Variants in BCOR observed in about 807,000 individuals in gnomAD.
BCOR encodes the protein BCL-6 corepressor.
A neutral mutation model predicts 86.7 loss-of-function variants in BCOR; 10 were observed. That is an observed-to-expected ratio of 0.12 (90% confidence interval 0.07 to 0.20). BCOR has a LOEUF of 0.20. Ranked by LOEUF, BCOR falls within the 10% of genes least tolerant of loss-of-function variation. The probability of loss-of-function intolerance (pLI) is 1.00; values close to 1 mark genes in which losing one functional copy is unlikely to be tolerated. For synonymous variants in BCOR, 611 were observed against 609.0 expected (o/e 1.00, Z -0.05); for missense variants, 1,259 against 1,452.1 (o/e 0.87, Z 2.16).
At chrX:40,151,564 G>A (rs1006395125) in intron 1 of BCOR, among the ~76,000 whole-genome samples, 2 of 112,882 alleles carry the variant, frequency 1.8e-5, no homozygotes, top group Non-Finnish European at 1.9e-5. Context: ...CCCTGGAACT[G>A]CTGGGGTGAA....
chrX:40,088,018 C>G (rs1408087831), intron 1 of BCOR, among the ~76,000 whole-genome samples: 1 of 112,447 alleles, frequency 8.9e-6, no homozygotes, highest in African/African-American at 3.2e-5. Context: ...TTGTACAGAA[C>G]TGTTAAATGC....
chrX:40,162,199 C>T (rs1938437183), intron 1 of BCOR, among the ~76,000 whole-genome samples: 1 of 112,408 alleles, frequency 8.9e-6, no homozygotes, highest in Admixed American at 9.4e-5. Context: ...CTCTTTTCTT[C>T]TGGATCAGAG....
In BCOR at chrX:40,055,429, C is replaced by G; in HGVS notation, c.4680G>C (p.Thr1560=). 1.7e-6 allele frequency: 2 copies of G among 1,210,430 alleles called. No individual in the cohort carries two copies. The highest frequency in any genetic ancestry group is 2.2e-6 in the Non-Finnish European group (2 of 894,151). ...TTTTCATGATGGTTCTACCTGAGTA[C>G]GTAGCCAAGGTGGGGTCAGCACCAT... is the stretch of plus-strand genomic sequence containing the variant. ...LSYGADPTLA[T]YSGRTIMKMT... is the part of the protein sequence containing the mutation. The change falls in exon 12 of 15, where the codon ACG becomes ACC. Residue 1560 remains threonine (T), a synonymous_variant. Transcript: ENST00000378444.
Position 40,149,207 on chromosome X carries a change from C to G in BCOR, c.-41+27800G>C, listed in dbSNP as rs767519603. 1.4e-4 allele frequency among the ~76,000 whole-genome samples: 15 copies of G among 110,739 alleles called. 1 individual carries two copies. In the South Asian group the frequency reaches 4.6e-3, roughly 34 times the overall value. ...TCAGCCTGTCATCCCCACCCCCAGC[C>G]TCGGCTGCAGGATGCCTTGCGTCCA... On this transcript the variant is annotated intron_variant, in intron 1 of 14. Coordinates refer to the BCOR transcript ENST00000342274.
At chrX:40,062,692 C>A (rs1202724433) in intron 9 of BCOR, 54 bp downstream of exon 9, 8 of 1,094,932 alleles carry the variant, frequency 7.3e-6, no homozygotes, top group Non-Finnish European at 1.0e-5. Flanking sequence ...GGGAAGCAGG[C>A]AGGCGGGGAT....
chrX:40,096,334 A>C lies in BCOR; in HGVS notation c.-41+881T>G, dbSNP rs1234889918. On this transcript the variant is annotated intron_variant, in intron 1 of 14. Coordinates refer to ENST00000378444, the MANE Select transcript of BCOR (RefSeq NM_001123385.2). Reference sequence around the variant, plus strand: ...CTGCCCCCGCACAAGCACATTCTACACCCACCCCTGGGGGCTCATAACTTA... The same window carrying C: ...CTGCCCCCGCACAAGCACATTCTACCCCCACCCCTGGGGGCTCATAACTTA... 2.7e-5 allele frequency among the ~76,000 whole-genome samples: 3 copies of C among 109,124 alleles called. No homozygotes were observed. The Admixed American group carries it at 2.9e-4, about 10-fold the overall frequency. 94.8% of individuals were successfully genotyped at this position (109,124 alleles called of 115,157 possible).
intron 1 of BCOR, among the ~76,000 whole-genome samples, chrX:40,157,475 C>T (rs983983468): frequency 8.9e-6 from 1 of 112,385 alleles, no homozygotes; most frequent in Non-Finnish European, 1.9e-5. Flanking sequence ...ATAAGAATAA[C>T]AAGCCGGTGC....
chrX:40,150,240 C>G (rs1440632091), intron 1 of BCOR, among the ~76,000 whole-genome samples: 1 of 112,075 alleles, frequency 8.9e-6, no homozygotes, highest in African/African-American at 3.2e-5. Flanking sequence ...CAGTTTTTTT[C>G]CACTACGGAA....
chrX:40,100,419 A>G (rs754199687), upstream of BCOR, among the ~76,000 whole-genome samples: 2 of 110,491 alleles, frequency 1.8e-5, no homozygotes, highest in South Asian at 7.8e-4. Context: ...CGTCTCCCCA[A>G]CTCTGCCCCC....
At position 40,054,314 on chromosome X, in the gene BCOR, C is replaced by G; in HGVS notation, c.4761G>C (p.Gln1587His). 8.3e-7 allele frequency: 1 copy of G among 1,205,164 alleles called. No individual in the cohort carries two copies. The highest frequency in any genetic ancestry group is 1.1e-6 in the Non-Finnish European group (1 of 890,447). Residue 1587 changes from glutamine to histidine, a missense_variant, in exon 13 of 15, where the codon CAG (glutamine) becomes CAC (histidine). Coordinates refer to ENST00000378444, the MANE Select transcript of BCOR (RefSeq NM_001123385.2). ...CACTGGCGTCATCATCATTGCGACC[C>G]TGGAGGTCATTTAAATAATCTGGAG... ...KFLTDYLNDL[Q>H]GRNDDDASGT...
chrX:40,175,104 C>G (rs769795793), intron 1 of BCOR, among the ~76,000 whole-genome samples: 1 of 90,308 alleles, frequency 1.1e-5, no homozygotes, highest in Admixed American at 1.5e-4. Context: ...TTAATACTCG[C>G]GGGCAGCCTG....
intron 1 of BCOR, among the ~76,000 whole-genome samples, chrX:40,124,275 A>G (rs1172149653): frequency 2.9e-5 from 3 of 103,498 alleles, no homozygotes; most frequent in Admixed American, 1.0e-4. Context: ...CTCTATATAC[A>G]TTTTTTTTTT....
intron 1 of BCOR, among the ~76,000 whole-genome samples, chrX:40,172,173 G>A (rs1441982981): frequency 1.8e-5 from 2 of 112,897 alleles, no homozygotes; most frequent in African/African-American, 6.4e-5. Context: ...AAGACGAGCA[G>A]GGTAGACTAC....
At chrX:40,052,524 C>A in intron 14 of BCOR, 124 bp from the exon 15 acceptor site, 1 of 486,154 alleles carries the variant, frequency 2.1e-6, no homozygotes, top group Non-Finnish European at 3.5e-6. Context: ...TCCCACCCCT[C>A]ATTTCTCACC....
chrX:40,063,401 A>G lies in BCOR; in HGVS notation c.3847+207T>C, dbSNP rs952136368. ...TGCTCAGGACCCAGAGACTGGAGAC[A>G]GCCTGAGGCTGGAATGAAGGTGTTC... On this transcript the variant is annotated intron_variant, in intron 8 of 14. Transcript: ENST00000378444. Among the ~76,000 whole-genome samples the G allele has an allele frequency of 4.5e-5, 5 of 112,070 alleles. No homozygotes were observed. In the Admixed American group the frequency reaches 4.7e-4, roughly 10 times the overall value.
rs181541357 is a variant in BCOR, at chrX:40,071,876, A to G, written c.2998-186T>C. 6.5e-4 allele frequency: 281 copies of G among 434,383 alleles called. 1 individual carries two copies. The Admixed American group carries it at 9.2e-3, about 14-fold the overall frequency. The allele number at this position is 434,383 out of a possible 1,213,427, so 35.8% of individuals were successfully genotyped here. A position where few individuals can be genotyped will look rare whatever the true frequency, so the allele number is the denominator to read the frequency against. ...CATAATTCACTAGCAAGTTAAATAC[A>G]TACTCTATCCCTTTAAGCAACCTTT... On this transcript the variant is annotated intron_variant, in intron 4 of 14. Transcript: ENST00000378444.
intron 1 of BCOR, among the ~76,000 whole-genome samples, chrX:40,131,358 A>G (rs942544635): frequency 1.8e-5 from 2 of 112,598 alleles, no homozygotes; most frequent in Admixed American, 9.4e-5. Context: ...AGAAATGACT[A>G]GAAACTGAGA....
chrX:40,170,526 T>C (rs997710265), intron 1 of BCOR, among the ~76,000 whole-genome samples: 2 of 110,850 alleles, frequency 1.8e-5, no homozygotes, highest in African/African-American at 6.6e-5. Context: ...TTTTTGTATT[T>C]TTACTAGAGA....
chrX:40,060,753 C>G (rs5917342), intron 10 of BCOR, among the ~76,000 whole-genome samples: 3 of 112,998 alleles, frequency 2.7e-5, no homozygotes, highest in Non-Finnish European at 5.6e-5. Context: ...AGTAACTGAG[C>G]TAATTTTCAA....
Sources: gnomAD v4.1 joint callset for allele counts (sites outside exome capture counted in the v4.1 genomes callset) on GRCh38, gnomAD v4.1.1 for gene constraint, MANE v1.5 for transcripts, NCBI Gene and HGNC (gene_info 2026-07-23, HGNC 2026-07-21) for gene names.